The following LAMA2 variants were observed in gnomAD, a reference collection of about 807,000 sequenced individuals.
LAMA2 encodes laminin subunit alpha-2.
LAMA2 carries 269 observed loss-of-function variants against 364.8 expected under a neutral mutation model. The observed-to-expected ratio is 0.74, with a 90% CI of 0.67 to 0.82. The LOEUF (loss-of-function observed/expected upper bound fraction) is 0.82. Ranked by LOEUF, LAMA2 falls within the 40% of genes least tolerant of loss-of-function variation. The probability of loss-of-function intolerance (pLI) is 0.00; values close to 1 mark genes in which losing one functional copy is unlikely to be tolerated. For missense variants in LAMA2, 3,807 were observed against 3,873.2 expected (o/e 0.98, Z 0.45); for synonymous variants, 1,379 against 1,370.6 (o/e 1.01, Z -0.14).
intron 12 of LAMA2, among the ~76,000 whole-genome samples, chr6:129,245,835 G>A (rs535013739): frequency 2.6e-5 from 4 of 152,136 alleles, no homozygotes; most frequent in Non-Finnish European, 5.9e-5. Context: ...ATAAGAATGA[G>A]AATTCTGGCA....
intron 3 of LAMA2, among the ~76,000 whole-genome samples, chr6:129,089,051 T>C (rs949205771): frequency 6.6e-6 from 1 of 152,214 alleles, no homozygotes; most frequent in Non-Finnish European, 1.5e-5. Context: ...CGAGACTCCG[T>C]CTGCAATCTC....
At chr6:129,116,693 T>C (rs1431465156) in intron 4 of LAMA2, among the ~76,000 whole-genome samples, 1 of 152,098 alleles carries the variant, frequency 6.6e-6, no homozygotes, top group Non-Finnish European at 1.5e-5. Flanking sequence ...TAACATGCAT[T>C]TTATACATTT....
chr6:128,929,155 T>C, intron 1 of LAMA2: 1 of 1,436,844 alleles, frequency 7.0e-7, no homozygotes, highest in Non-Finnish European at 9.8e-7. Flanking sequence ...CAGGATCCAA[T>C]GGCCGGTAGA....
intron 12 of LAMA2, among the ~76,000 whole-genome samples, chr6:129,245,876 A>G (rs1415568923): frequency 1.3e-5 from 2 of 152,238 alleles, no homozygotes; most frequent in Non-Finnish European, 2.9e-5. Context: ...TCCAAGTAAC[A>G]GAATGGATAA....
chr6:129,456,319 A>T lies in LAMA2; in HGVS notation c.6708-16A>T. ...CTGTATGTTCCTCCCCTTCACTTCA[A>T]CACGTACCCTTGAAGAACTGGGAGA... On this transcript the variant is annotated splice_polypyrimidine_tract_variant and intron_variant, in intron 47 of 64. Transcript: ENST00000421865. 1 of 1,612,528 alleles carries T rather than the reference A, an allele frequency of 6.2e-7. No homozygotes were observed. Among genetic ancestry groups the T allele is most frequent in the Non-Finnish European group, 8.5e-7 (1 of 1,178,760 alleles).
rs1583157888 is a variant in LAMA2, at chr6:129,158,818, C to A, written c.1206+4135C>A. Reference sequence around the variant, plus strand: ...ACTGAAAATCAGATCCTTCATATTTCATACACCCTGAAGCTAATGTGGTTT... The same window carrying A: ...ACTGAAAATCAGATCCTTCATATTTAATACACCCTGAAGCTAATGTGGTTT... On this transcript the variant is annotated intron_variant, in intron 8 of 64. Transcript: ENST00000421865. The A allele has an allele frequency of 1.9e-6, 3 of 1,614,144 alleles. No homozygotes were observed. In the African/African-American group the frequency reaches 4.0e-5, roughly 22 times the overall value.
At chr6:129,297,168 AG>A (rs1239018308) in intron 20 of LAMA2, among the ~76,000 whole-genome samples, 1 of 152,216 alleles carries the variant, frequency 6.6e-6, no homozygotes, top group East Asian at 1.9e-4. Context: ...TGAACACTAT[AG>A]CAATGATTAA....
intron 55 of LAMA2, among the ~76,000 whole-genome samples, chr6:129,484,282 G>A (rs752471289): frequency 2.0e-5 from 3 of 152,146 alleles, no homozygotes; most frequent in Non-Finnish European, 4.4e-5. Flanking sequence ...AACAGTATTG[G>A]AAAGATGTGA....
rs572575510 is a variant in LAMA2, at chr6:129,158,651, G to A, written c.1206+3968G>A. 4.4e-4 allele frequency: 714 copies of A among 1,614,116 alleles called. 2 individuals are homozygous for A. The African/African-American group carries it at 7.6e-3, about 17-fold the overall frequency. ...CAATTATGCAGACAGCCATAGAAAT[G>A]AGCAAAACCAGCCATCGAATGCTGC... On this transcript the variant is annotated intron_variant, in intron 8 of 64. Coordinates refer to ENST00000421865, the MANE Select transcript of LAMA2 (RefSeq NM_000426.4).
intron 53 of LAMA2, among the ~76,000 whole-genome samples, chr6:129,477,755 T>C (rs1370274534): frequency 6.6e-6 from 1 of 152,154 alleles, no homozygotes; most frequent in East Asian, 1.9e-4. Context: ...TTGGGGTCAA[T>C]CTGTAAACTA....
chr6:129,158,020 T>G lies in LAMA2; in HGVS notation c.1206+3337T>G, dbSNP rs1386478154. On this transcript the variant is annotated intron_variant, in intron 8 of 64. Coordinates refer to ENST00000421865, the MANE Select transcript of LAMA2 (RefSeq NM_000426.4). ...CAACTCCCATTTTTCTTGATGAGGA[T>G]GTTTTTGCTCTTTAGGTCTCGATGA... 11 of 1,613,318 alleles carry G rather than the reference T, an allele frequency of 6.8e-6. No individual in the cohort carries two copies. The East Asian group carries it at 2.2e-4, about 33-fold the overall frequency.
chr6:129,064,607 T>G (rs1789169996), intron 3 of LAMA2, among the ~76,000 whole-genome samples: 1 of 151,920 alleles, frequency 6.6e-6, no homozygotes, highest in Non-Finnish European at 1.5e-5. Flanking sequence ...TACTGATACT[T>G]CAGAAATACA....
chr6:128,901,282 T>G (rs1777067399), intron 1 of LAMA2, among the ~76,000 whole-genome samples: 2 of 152,222 alleles, frequency 1.3e-5, no homozygotes, highest in African/African-American at 4.8e-5. Flanking sequence ...ATACTGCAAT[T>G]TTCAAATTAG....
chr6:129,432,079 T>C (rs931918487), intron 41 of LAMA2, among the ~76,000 whole-genome samples: 2 of 152,216 alleles, frequency 1.3e-5, no homozygotes, highest in Non-Finnish European at 2.9e-5. Flanking sequence ...AGCCTTTCCA[T>C]AGCAGGCATG....
At chr6:129,328,461 T>G in intron 29 of LAMA2, 49 bp downstream of exon 29, 1 of 1,613,668 alleles carries the variant, frequency 6.2e-7, no homozygotes, top group African/African-American at 1.3e-5. Flanking sequence ...TCATTCCTCT[T>G]TACACATGCT....
At chr6:129,134,839 T>C (rs1330842957) in intron 4 of LAMA2, among the ~76,000 whole-genome samples, 11 of 152,196 alleles carry the variant, frequency 7.2e-5, no homozygotes. Flanking sequence ...CTCTTAGGCA[T>C]GTTTCAGTTC....
At chr6:128,904,210 C>G (rs970134485) in intron 1 of LAMA2, among the ~76,000 whole-genome samples, 1 of 152,152 alleles carries the variant, frequency 6.6e-6, no homozygotes, top group Non-Finnish European at 1.5e-5. Flanking sequence ...CCTCAAAAGA[C>G]AGCTTTCTGA....
At chr6:129,013,815 T>C (rs571890353) in intron 1 of LAMA2, among the ~76,000 whole-genome samples, 2 of 152,106 alleles carry the variant, frequency 1.3e-5, no homozygotes, top group East Asian at 3.9e-4. Flanking sequence ...AAGAAATAAA[T>C]ATCGGGTGCA....
At chr6:129,331,045 A>AG (rs1403766533) in intron 29 of LAMA2, among the ~76,000 whole-genome samples, 2 of 151,712 alleles carry the variant, frequency 1.3e-5, no homozygotes, top group Non-Finnish European at 2.9e-5. Context: ...CTTTTTTTGT[A>AG]TTTTTAATAG....
Sources: gnomAD v4.1 joint callset for allele counts (sites outside exome capture counted in the v4.1 genomes callset) on GRCh38, gnomAD v4.1.1 for gene constraint, MANE v1.5 for transcripts, NCBI Gene and HGNC (gene_info 2026-07-23, HGNC 2026-07-21) for gene names.